HPSE2: variants seen among roughly 807,000 people sequenced by gnomAD.
HPSE2 encodes heparanase 2 (inactive), also known as inactive heparanase-2.
HPSE2 carries 38 observed loss-of-function variants against 60.5 expected under a neutral mutation model. The observed-to-expected ratio is 0.63, with a 90% CI of 0.48 to 0.82. HPSE2 has a LOEUF of 0.82. Among genes scored for constraint, HPSE2 ranks in the 40% least tolerant of loss-of-function variants. The pLI is 0.00. For missense variants in HPSE2, 713 were observed against 740.4 expected, an observed-to-expected ratio of 0.96 and a Z score of 0.43; for synonymous variants, 295 against 293.2, an observed-to-expected ratio of 1.01 and a Z score of -0.06.
chr10:99,004,027 C>T (rs1049044440), intron 3 of HPSE2, among the ~76,000 whole-genome samples: 7 of 152,002 alleles, frequency 4.6e-5, no homozygotes, highest in African/African-American at 1.2e-4. Context: ...GTTTTCTCAA[C>T]ACTATTTTAT....
chr10:99,104,929 G>C (rs376071497), intron 3 of HPSE2, among the ~76,000 whole-genome samples: 2 of 152,022 alleles, frequency 1.3e-5, no homozygotes, highest in Non-Finnish European at 2.9e-5. Flanking sequence ...GGGGGAGAGG[G>C]GAGGGATAGC....
intron 3 of HPSE2, among the ~76,000 whole-genome samples, chr10:98,828,795 T>C (rs763011614): frequency 1.6e-4 from 24 of 152,190 alleles, no homozygotes; most frequent in South Asian, 6.2e-4. Flanking sequence ...AACTGTATAG[T>C]AGTCCTTCAA....
At chr10:98,799,668 T>C (rs1298216394) in intron 3 of HPSE2, among the ~76,000 whole-genome samples, 1 of 151,538 alleles carries the variant, frequency 6.6e-6, no homozygotes, top group African/African-American at 2.4e-5. Context: ...AATTAAACAA[T>C]ATGCTCCTGC....
chr10:98,574,987 TTTTTC>T (rs1564980896), intron 9 of HPSE2, among the ~76,000 whole-genome samples: 1 of 152,126 alleles, frequency 6.6e-6, no homozygotes, highest in African/African-American at 2.4e-5. Context: ...CATTTTGTCC[TTTTTC>T]TTTTCTTTTT....
the HPSE2 span, among the ~76,000 whole-genome samples, chr10:99,258,775 G>A: frequency 6.6e-6 from 1 of 152,168 alleles, no homozygotes; most frequent in Non-Finnish European, 1.5e-5. Flanking sequence ...TAAAGAAAGG[G>A]TTGCCTTTTT....
At chr10:98,547,300 A>C (rs1377897522) in intron 9 of HPSE2, among the ~76,000 whole-genome samples, 1 of 138,858 alleles carries the variant, frequency 7.2e-6, no homozygotes, top group East Asian at 2.4e-4. Context: ...CCATCCCATT[A>C]CTGGGTATAT....
intron 2 of HPSE2, among the ~76,000 whole-genome samples, chr10:99,181,036 G>A (rs187684006): frequency 0.016 from 2,476 of 151,818 alleles, 31 homozygotes; most frequent in Non-Finnish European, 0.026. Context: ...TCTAGAACCA[G>A]AAATACCATT....
chr10:99,019,808 C>T (rs1160033865), intron 3 of HPSE2, among the ~76,000 whole-genome samples: 1 of 151,556 alleles, frequency 6.6e-6, no homozygotes, highest in Non-Finnish European at 1.5e-5. Context: ...CCCCCAGATT[C>T]AAGCAATTCT....
intron 9 of HPSE2, among the ~76,000 whole-genome samples, chr10:98,595,973 C>A (rs1945225222): frequency 6.6e-6 from 1 of 151,934 alleles, no homozygotes; most frequent in Non-Finnish European, 1.5e-5. Context: ...TGTTTTTTGT[C>A]CTTCATTCTG....
chr10:98,925,217 T>C (rs1180454020), intron 3 of HPSE2, among the ~76,000 whole-genome samples: 1 of 152,174 alleles, frequency 6.6e-6, no homozygotes, highest in Non-Finnish European at 1.5e-5. Context: ...GCACACTTGA[T>C]TGTTGGTTTT....
chr10:99,294,700 G>A, the HPSE2 span, among the ~76,000 whole-genome samples: 8 of 151,822 alleles, frequency 5.3e-5, no homozygotes, highest in African/African-American at 1.5e-4. Flanking sequence ...TTGGGAGGCC[G>A]AGGCCGGTAG....
chr10:98,891,796 C>A (rs1953343061), intron 3 of HPSE2, among the ~76,000 whole-genome samples: 1 of 151,896 alleles, frequency 6.6e-6, no homozygotes, highest in Non-Finnish European at 1.5e-5. Context: ...TACTGACAGG[C>A]TCTTGCTCTG....
chr10:99,305,961 A>ATACGCGCGCGTG, the HPSE2 span, among the ~76,000 whole-genome samples: 4 of 103,062 alleles, frequency 3.9e-5, no homozygotes, highest in Admixed American at 9.4e-5. Flanking sequence ...ACTCACACAC[A>ATACGCGCGCGTG]CGCGCGCGCG....
At chr10:98,688,773 G>T (rs939245963) in intron 6 of HPSE2, among the ~76,000 whole-genome samples, 7 of 151,582 alleles carry the variant, frequency 4.6e-5, no homozygotes, top group Non-Finnish European at 8.8e-5. Flanking sequence ...ACCGTGCCTG[G>T]TCTCCTTTAG....
At chr10:99,142,057 T>A (rs1845883521) in intron 3 of HPSE2, among the ~76,000 whole-genome samples, 1 of 152,154 alleles carries the variant, frequency 6.6e-6, no homozygotes, top group African/African-American at 2.4e-5. Flanking sequence ...CCTCATTGTG[T>A]TCGCACATAA....
rs1317815224 is a variant in HPSE2, at chr10:99,184,799, T to C, written c.449-40400A>G. Among the ~76,000 whole-genome samples, 7 of 30,858 alleles carry C rather than the reference T, an allele frequency of 2.3e-4. 1 individual carries two copies. The highest frequency in any genetic ancestry group is 2.3e-3 in the South Asian group (1 of 440). 20.2% of individuals were successfully genotyped at this position (30,858 alleles called of 152,430 possible). A position where few individuals can be genotyped will look rare whatever the true frequency, so the allele number is the denominator to read the frequency against. ...AACTATCCAAAATTATATATATATA[T>C]ATATATATATATATATATATAGAGA... On this transcript the variant is annotated intron_variant, in intron 2 of 11. Transcript: ENST00000370552.
In HPSE2 at chr10:98,770,408, A is replaced by G. The variant is rs112920349; in HGVS notation, c.611-26352T>C. Among the ~76,000 whole-genome samples, 571 of 152,298 alleles carry G rather than the reference A, an allele frequency of 3.7e-3. 8 individuals carry two copies. Among genetic ancestry groups the G allele is most frequent in the African/African-American group, 0.013 (550 of 41,554 alleles). On this transcript the variant is annotated intron_variant, in intron 3 of 11. Transcript: ENST00000370552. ...ACTCACATCTGCCACAGGGAGCATA[A>G]CTGATTAATGGTTCTAGCTACTCCT...
chr10:98,613,465 A>T (rs1311436080), intron 9 of HPSE2, among the ~76,000 whole-genome samples: 1 of 152,186 alleles, frequency 6.6e-6, no homozygotes, highest in East Asian at 1.9e-4. Flanking sequence ...CATGTACACC[A>T]AGTGATACAA....
intron 3 of HPSE2, among the ~76,000 whole-genome samples, chr10:99,014,799 A>G (rs1957099079): frequency 6.6e-6 from 1 of 152,190 alleles, no homozygotes; most frequent in African/African-American, 2.4e-5. Flanking sequence ...AGCAATGGCA[A>G]CAAAAGACAA....
Sources: allele counts gnomAD v4.1 joint callset (sites outside exome capture counted in the v4.1 genomes callset), GRCh38; gene constraint gnomAD v4.1.1; transcripts MANE v1.5; gene names NCBI Gene and HGNC (gene_info 2026-07-23, HGNC 2026-07-21).